The following NCOA1 variants were observed in gnomAD, a reference collection of about 807,000 sequenced individuals.
NCOA1 encodes nuclear receptor coactivator 1.
A neutral mutation model predicts 150.9 loss-of-function variants in NCOA1; 35 were observed. The observed-to-expected ratio is 0.23, with a 90% confidence interval of 0.18 to 0.31. The LOEUF is 0.31. NCOA1 is among the 10% of genes least tolerant of loss of function. The pLI is 1.00. For missense variants in NCOA1, 1,491 were observed against 1,749.3 expected (o/e 0.85, Z 2.63); for synonymous variants, 590 against 630.0 (o/e 0.94, Z 0.95).
At chr2:24,533,900 TTC>T (rs1303791333) in intron 1 of NCOA1, among the ~76,000 whole-genome samples, 3 of 152,196 alleles carry the variant, frequency 2.0e-5, no homozygotes, top group Non-Finnish European at 4.4e-5. Context: ...TGGTCTAAAA[TTC>T]TCTTTTTTGT....
At chr2:24,608,912 G>A (rs1344113889) in intron 3 of NCOA1, among the ~76,000 whole-genome samples, 1 of 151,990 alleles carries the variant, frequency 6.6e-6, no homozygotes, top group African/African-American at 2.4e-5. Flanking sequence ...TTTTTCTTGT[G>A]AGGTTGTGGG....
intron 17 of NCOA1, among the ~76,000 whole-genome samples, chr2:24,738,728 A>G (rs143490485): frequency 1.5e-3 from 235 of 152,348 alleles, no homozygotes; most frequent in Middle Eastern, 6.8e-3. Flanking sequence ...CATTTCCAGT[A>G]CTTAATACAG....
At chr2:24,563,549 A>G (rs1354624672) in intron 1 of NCOA1, among the ~76,000 whole-genome samples, 3 of 151,350 alleles carry the variant, frequency 2.0e-5, no homozygotes, top group African/African-American at 7.3e-5. Flanking sequence ...ACAAGATCTC[A>G]CTCTTTCACC....
intron 15 of NCOA1, among the ~76,000 whole-genome samples, chr2:24,727,359 T>C (rs1385608941): frequency 6.6e-6 from 1 of 152,178 alleles, no homozygotes; most frequent in African/African-American, 2.4e-5. Flanking sequence ...AATAATTATA[T>C]TGCTCTTGAA....
At chr2:24,554,430 GCT>G (rs746406178) in intron 1 of NCOA1, 1 of 152,038 alleles carries the variant, frequency 6.6e-6, no homozygotes, top group African/African-American at 2.4e-5. Flanking sequence ...AAGGAAAACA[GCT>G]CTCTCTCTAA....
intron 3 of NCOA1, among the ~76,000 whole-genome samples, chr2:24,614,457 T>C (rs1340512839): frequency 6.6e-6 from 1 of 151,934 alleles, no homozygotes; most frequent in East Asian, 1.9e-4. Context: ...CTTGAACTCC[T>C]GGGCTCAAGT....
At chr2:24,709,945 A>G (rs959028127) in intron 13 of NCOA1, among the ~76,000 whole-genome samples, 2 of 152,152 alleles carry the variant, frequency 1.3e-5, no homozygotes, top group African/African-American at 4.8e-5. Flanking sequence ...CTAGAAACAA[A>G]AATTTCAGTT....
At chr2:24,507,849 C>T (rs147469445) in intron 1 of NCOA1, among the ~76,000 whole-genome samples, 238 of 152,194 alleles carry the variant, frequency 1.6e-3, no homozygotes, top group Middle Eastern at 6.8e-3. Context: ...TTACCTCTGA[C>T]TTTATCTTAT....
intron 3 of NCOA1, among the ~76,000 whole-genome samples, chr2:24,635,031 T>C (rs1669878764): frequency 6.6e-6 from 1 of 152,062 alleles, no homozygotes; most frequent in African/African-American, 2.4e-5. Flanking sequence ...GAAAACACTT[T>C]CAAAATACTG....
chr2:24,732,578 A>C (rs1477904282), intron 17 of NCOA1, among the ~76,000 whole-genome samples: 1 of 152,222 alleles, frequency 6.6e-6, no homozygotes, highest in Non-Finnish European at 1.5e-5. Context: ...CAAGGTTCTC[A>C]GTCAGTGTCT....
At chr2:24,611,656 C>A (rs1229871416) in intron 3 of NCOA1, among the ~76,000 whole-genome samples, 2 of 152,088 alleles carry the variant, frequency 1.3e-5, no homozygotes, top group African/African-American at 4.8e-5. Flanking sequence ...GAATTGAACC[C>A]TTTATTGTAA....
intron 1 of NCOA1, among the ~76,000 whole-genome samples, chr2:24,500,129 A>G (rs1249543496): frequency 1.3e-5 from 2 of 151,348 alleles, no homozygotes; most frequent in African/African-American, 4.9e-5. Flanking sequence ...TTTTTTTGAG[A>G]AGGAGTTTCG....
intron 1 of NCOA1, among the ~76,000 whole-genome samples, chr2:24,497,086 T>A (rs1281820694): frequency 2.6e-5 from 4 of 152,194 alleles, no homozygotes; most frequent in Non-Finnish European, 5.9e-5. Flanking sequence ...ACATATTACA[T>A]TTTATAAATG....
intron 7 of NCOA1, 135 bp downstream of exon 7, chr2:24,673,598 A>G (rs1311394628): frequency 3.8e-6 from 2 of 529,636 alleles, no homozygotes; most frequent in Non-Finnish European, 6.5e-6. Flanking sequence ...TTATTTTATT[A>G]TGAGAACTAT....
At chr2:24,705,010 GA>G in intron 11 of NCOA1, 75 bp from the exon 12 acceptor site, 1 of 1,486,560 alleles carries the variant, frequency 6.7e-7, no homozygotes, top group East Asian at 2.3e-5. Context: ...GTTCTAAGTA[GA>G]AATAAAACCT....
intron 2 of NCOA1, among the ~76,000 whole-genome samples, chr2:24,568,791 A>C (rs1157011664): frequency 2.0e-5 from 3 of 152,222 alleles, no homozygotes; most frequent in African/African-American, 7.2e-5. Flanking sequence ...CCATCTGGAA[A>C]AGCAATTACT....
chr2:24,636,600 T>G (rs1669947547), intron 3 of NCOA1, among the ~76,000 whole-genome samples: 1 of 152,336 alleles, frequency 6.6e-6, no homozygotes, highest in South Asian at 2.1e-4. Flanking sequence ...CTTTTATTTC[T>G]CTTTCTGGCC....
chr2:24,737,295 G>T (rs956932697), intron 17 of NCOA1, among the ~76,000 whole-genome samples: 2 of 152,162 alleles, frequency 1.3e-5, no homozygotes, highest in Non-Finnish European at 2.9e-5. Flanking sequence ...CACTAGTCAG[G>T]TTGCACACAC....
intron 3 of NCOA1, among the ~76,000 whole-genome samples, chr2:24,626,795 G>A (rs1432554982): frequency 6.6e-6 from 1 of 152,078 alleles, no homozygotes. Context: ...TGTGGTCTTA[G>A]CTCAGATATT....
Sources: allele counts gnomAD v4.1 joint callset (sites outside exome capture counted in the v4.1 genomes callset), GRCh38; gene constraint gnomAD v4.1.1; transcripts MANE v1.5; gene names NCBI Gene and HGNC (gene_info 2026-07-23, HGNC 2026-07-21).